Variants in CAB39L observed in about 807,000 individuals in gnomAD.
CAB39L encodes calcium binding protein 39 like, also known as calcium-binding protein 39-like.
In CAB39L, 23 loss-of-function variants were observed where a neutral mutation model predicts 39.1. That is an observed-to-expected ratio of 0.59 (90% CI 0.42 to 0.83). The LOEUF (loss-of-function observed/expected upper bound fraction) is 0.83, where lower values mean the gene tolerates loss of function less well. Among genes scored for constraint, CAB39L ranks in the 40% least tolerant of loss-of-function variants. The pLI is 0.00. For missense variants in CAB39L, 366 were observed against 391.9 expected, an observed-to-expected ratio of 0.93 and a Z score of 0.56; for synonymous variants, 126 against 137.2, an observed-to-expected ratio of 0.92 and a Z score of 0.57.
At chr13:49,361,217 C>A (rs769741722) in intron 5 of CAB39L, among the ~76,000 whole-genome samples, 1 of 152,070 alleles carries the variant, frequency 6.6e-6, no homozygotes, top group Non-Finnish European at 1.5e-5. Flanking sequence ...CAGTGGCTCA[C>A]GCCTGTAATC....
intron 10 of CAB39L, among the ~76,000 whole-genome samples, chr13:49,326,935 GC>G (rs1954519591): frequency 4.6e-5 from 7 of 152,096 alleles, no homozygotes; most frequent in Admixed American, 4.6e-4. Context: ...ATGATACACA[GC>G]CTTCTACAAT....
intron 3 of CAB39L, among the ~76,000 whole-genome samples, chr13:49,404,137 A>C (rs1041502472): frequency 6.6e-6 from 1 of 152,218 alleles, no homozygotes; most frequent in African/African-American, 2.4e-5. Flanking sequence ...AGTGGTGGTC[A>C]CAAGAGGGCT....
At chr13:49,402,153 T>A (rs1316077846) in intron 3 of CAB39L, among the ~76,000 whole-genome samples, 1 of 152,128 alleles carries the variant, frequency 6.6e-6, no homozygotes, top group Non-Finnish European at 1.5e-5. Flanking sequence ...AAGAAGGTTT[T>A]TTTTCCCCCT....
chr13:49,312,631 T>C (rs764855456), intron 10 of CAB39L, among the ~76,000 whole-genome samples: 8 of 152,240 alleles, frequency 5.3e-5, no homozygotes, highest in Non-Finnish European at 8.8e-5. Context: ...CTAGTGAGCA[T>C]GTTTCTCAGA....
chr13:49,325,600 C>T (rs1954475258), intron 10 of CAB39L, among the ~76,000 whole-genome samples: 1 of 152,010 alleles, frequency 6.6e-6, no homozygotes, highest in Admixed American at 6.6e-5. Context: ...ACCAGCCGGG[C>T]CAACATGGCA....
At chr13:49,333,982 C>G (rs1400121406) in intron 9 of CAB39L, among the ~76,000 whole-genome samples, 1 of 152,168 alleles carries the variant, frequency 6.6e-6, no homozygotes, top group African/African-American at 2.4e-5. Flanking sequence ...GTTAATGGCA[C>G]CAGGAGCTGC....
At position 49,382,089 on chromosome 13, in the gene CAB39L, C is replaced by T. The variant is rs117506182; in HGVS notation, c.111+711G>A. ...CTGAATTTATTGTGGTTTTAGTTGG[C>T]CTTTTCCTAGTTACTAATGAAAATG... On this transcript the variant is annotated intron_variant, in intron 4 of 10. Coordinates refer to ENST00000409308, the MANE Select transcript of CAB39L (RefSeq NM_001079670.3). Among the ~76,000 whole-genome samples, 12 of 152,176 alleles carry T rather than the reference C, an allele frequency of 7.9e-5. No individual in the cohort carries two copies. In the East Asian group the frequency reaches 2.1e-3, roughly 27 times the overall value.
At chr13:49,372,322 A>C (rs1299580135) in intron 5 of CAB39L, among the ~76,000 whole-genome samples, 1 of 152,216 alleles carries the variant, frequency 6.6e-6, no homozygotes, top group Non-Finnish European at 1.5e-5. Flanking sequence ...CTACATAATG[A>C]GATTTTTATT....
At chr13:49,389,152 C>T (rs570949042) in intron 3 of CAB39L, among the ~76,000 whole-genome samples, 96 of 152,238 alleles carry the variant, frequency 6.3e-4, no homozygotes, top group African/African-American at 2.1e-3. Flanking sequence ...CTATAAGAAA[C>T]GGTGTGGATG....
At chr13:49,382,710 A>G (rs996873084) in intron 4 of CAB39L, 90 bp downstream of exon 4, 23 of 797,304 alleles carry the variant, frequency 2.9e-5, no homozygotes, top group East Asian at 2.5e-4. Flanking sequence ...ATCACAGACC[A>G]TATTTTGAAT....
intron 10 of CAB39L, among the ~76,000 whole-genome samples, chr13:49,315,178 A>G (rs184828263): frequency 2.0e-5 from 3 of 152,292 alleles, no homozygotes; most frequent in African/African-American, 7.2e-5. Flanking sequence ...TCATGGACTC[A>G]CTCACACAGC....
At chr13:49,389,514 A>T (rs1295105499) in intron 3 of CAB39L, among the ~76,000 whole-genome samples, 1 of 151,878 alleles carries the variant, frequency 6.6e-6, no homozygotes, top group African/African-American at 2.4e-5. Flanking sequence ...GGTGGCAGGC[A>T]CCTATACTCC....
chr13:49,315,881 T>G (rs1954142634), intron 10 of CAB39L, among the ~76,000 whole-genome samples: 1 of 92,426 alleles, frequency 1.1e-5, no homozygotes, highest in Non-Finnish European at 2.4e-5. Flanking sequence ...CAAGTCTCCA[T>G]CTCAAAAAAA....
At chr13:49,420,298 T>G (rs1957151679) in intron 3 of CAB39L, 1 of 152,224 alleles carries the variant, frequency 6.6e-6, no homozygotes, top group Admixed American at 6.5e-5. Context: ...TAAATATACT[T>G]TAATGATACA....
chr13:49,396,353 C>T (rs1021488757), intron 3 of CAB39L, among the ~76,000 whole-genome samples: 1 of 152,044 alleles, frequency 6.6e-6, no homozygotes, highest in African/African-American at 2.4e-5. Context: ...GTTAATTTAA[C>T]TTAAGGCACA....
intron 10 of CAB39L, among the ~76,000 whole-genome samples, chr13:49,323,884 T>G (rs1954425667): frequency 6.6e-6 from 1 of 152,170 alleles, no homozygotes; most frequent in Admixed American, 6.5e-5. Flanking sequence ...AGTAATTTTT[T>G]TAATGTTAGT....
chr13:49,346,392 G>A (rs1459524296), intron 7 of CAB39L, among the ~76,000 whole-genome samples: 1 of 142,890 alleles, frequency 7.0e-6, no homozygotes, highest in African/African-American at 2.6e-5. Context: ...AGAAGGAAAA[G>A]ACAGAAAATT....
intron 10 of CAB39L, among the ~76,000 whole-genome samples, chr13:49,327,219 T>C (rs1420217232): frequency 6.6e-6 from 1 of 152,210 alleles, no homozygotes; most frequent in African/African-American, 2.4e-5. Context: ...CACTCCTGTA[T>C]GATATCGCTT....
At chr13:49,369,884 C>A (rs1955870594) in intron 5 of CAB39L, among the ~76,000 whole-genome samples, 1 of 147,762 alleles carries the variant, frequency 6.8e-6, no homozygotes, top group African/African-American at 2.5e-5. Flanking sequence ...CCGTGCCCAG[C>A]CGGCATAGGA....
Sources: allele counts gnomAD v4.1 joint callset (sites outside exome capture counted in the v4.1 genomes callset), GRCh38; gene constraint gnomAD v4.1.1; transcripts MANE v1.5; gene names NCBI Gene and HGNC (gene_info 2026-07-23, HGNC 2026-07-21).